RBFOX3: variants seen among roughly 807,000 people sequenced by gnomAD.
The protein encoded by RBFOX3 is RNA binding fox-1 homolog 3, also known as RNA binding protein fox-1 homolog 3.
Under a neutral mutation model 48.7 loss-of-function variants are expected in RBFOX3, and 17 were observed. The observed-to-expected ratio is 0.35, with a 90% confidence interval of 0.24 to 0.52. The LOEUF (loss-of-function observed/expected upper bound fraction) is 0.52, where lower values mean the gene tolerates loss of function less well. Among genes scored for constraint, RBFOX3 ranks in the 20% least tolerant of loss-of-function variants. RBFOX3 has a pLI of 0.94. For missense variants in RBFOX3, 382 were observed against 497.5 expected, an observed-to-expected ratio of 0.77 and a Z score of 2.21; for synonymous variants, 212 against 209.5, an observed-to-expected ratio of 1.01 and a Z score of -0.10.
chr17:79,217,763 T>C (rs1433034455), intron 4 of RBFOX3, among the ~76,000 whole-genome samples: 1 of 151,730 alleles, frequency 6.6e-6, no homozygotes, highest in Non-Finnish European at 1.5e-5. Context: ...GAGCCAGTTA[T>C]GGGGGTGGGG....
intron 1 of RBFOX3, among the ~76,000 whole-genome samples, chr17:79,557,010 G>A (rs905795070): frequency 7.8e-4 from 118 of 152,206 alleles, no homozygotes; most frequent in African/African-American, 2.6e-3. Context: ...TTGGGAGGCC[G>A]AGGATGGTGG....
chr17:79,620,137 ACGCGCACACACATGCACG>A, the RBFOX3 span, among the ~76,000 whole-genome samples: 1 of 143,004 alleles, frequency 7.0e-6, no homozygotes, highest in African/African-American at 2.7e-5. Context: ...ACACATGCAC[ACGCGCACACACATGCACG>A]CGCGGACATG....
At chr17:79,209,847 A>G (rs1159082012) in intron 4 of RBFOX3, among the ~76,000 whole-genome samples, 3 of 151,810 alleles carry the variant, frequency 2.0e-5, no homozygotes, top group African/African-American at 4.8e-5. Flanking sequence ...AACACAAAAA[A>G]TTAGCCGGGC....
intron 2 of RBFOX3, among the ~76,000 whole-genome samples, chr17:79,407,287 C>T (rs544205976): frequency 2.0e-4 from 30 of 152,234 alleles, no homozygotes; most frequent in Non-Finnish European, 3.8e-4. Context: ...GGATTACAGG[C>T]GTGAGCCACC....
At position 79,471,912 on chromosome 17, in the gene RBFOX3, C is replaced by T. The variant is rs574043692; in HGVS notation, c.-175+10542G>A. Among the ~76,000 whole-genome samples, 165 of 152,348 alleles carry T rather than the reference C, an allele frequency of 1.1e-3. No individual in the cohort carries two copies. Among genetic ancestry groups the T allele is most frequent in the African/African-American group, 3.8e-3 (157 of 41,574 alleles). ...TCCACCAAGCACATTATATCAAATA[C>T]GCCTCAGGAAAACCCTTTATGGAAA... On this transcript the variant is annotated intron_variant, in intron 2 of 14. Transcript: ENST00000693108. The surrounding 1 kb of genome is among the most constrained non-coding windows in gnomAD (Gnocchi z 4.0).
intron 1 of RBFOX3, among the ~76,000 whole-genome samples, chr17:79,584,126 C>A (rs1386146189): frequency 1.3e-5 from 2 of 152,174 alleles, no homozygotes; most frequent in African/African-American, 2.4e-5. Flanking sequence ...CAATGGCCAA[C>A]AAGCATATGG....
intron 2 of RBFOX3, among the ~76,000 whole-genome samples, chr17:79,388,259 A>T (rs529744586): frequency 3.1e-4 from 47 of 152,296 alleles, no homozygotes; most frequent in African/African-American, 1.1e-3. Flanking sequence ...ATCACAGAAG[A>T]GTCATGCCCA....
rs576924964 is a variant in RBFOX3 at position 79,092,701 on chromosome 17, G to A, written c.1077+1750C>T. ...ACCGTCTTTTGGAAGAGGGGAAAAAGCAAAAAGAAAAAAAAAAAGGAAAAA... is the reference window on the plus strand; with the variant it reads ...ACCGTCTTTTGGAAGAGGGGAAAAAACAAAAAGAAAAAAAAAAAGGAAAAA... On this transcript the variant is annotated intron_variant, in intron 14 of 14. Transcript: ENST00000693108. 99 of 826,134 alleles carry A rather than the reference G, an allele frequency of 1.2e-4. No homozygotes were observed. In the South Asian group the frequency reaches 4.6e-3, roughly 39 times the overall value. The allele number at this position is 826,134 out of a possible 1,614,324, so 51.2% of individuals were successfully genotyped here.
In RBFOX3 at chr17:79,096,749, C is replaced by T. The variant is rs1318621073; in HGVS notation, c.840G>A (p.Glu280=). The T allele has an allele frequency of 1.3e-6, 2 of 1,502,920 alleles. No individual in the cohort carries two copies. The highest frequency in any genetic ancestry group is 1.8e-6 in the Non-Finnish European group (2 of 1,102,690). 93.1% of individuals were successfully genotyped at this position (1,502,920 alleles called of 1,614,324 possible). A position where few individuals can be genotyped will look rare whatever the true frequency, so the allele number is the denominator to read the frequency against. Residue 280 remains glutamate (E), a synonymous_variant, in exon 12 of 15, where the codon GAG becomes GAA. Transcript: ENST00000693108. ...PCPLPPQQTP[E]PAYPTSPAFP... ...ACGCTGGAGAGGTGGGGTAGGCCGG[C>T]TCCGGTGTCTGCTGAGGAGGGAGGG... is the stretch of plus-strand genomic sequence containing the variant.
chr17:79,513,190 A>AG (rs1432475350), intron 1 of RBFOX3, among the ~76,000 whole-genome samples: 2 of 138,448 alleles, frequency 1.4e-5, no homozygotes, highest in Non-Finnish European at 3.2e-5. Context: ...TGTTACCATC[A>AG]GGTACAGCCC....
chr17:79,631,390 C>G, the RBFOX3 span, among the ~76,000 whole-genome samples: 4 of 152,052 alleles, frequency 2.6e-5, no homozygotes, highest in African/African-American at 4.8e-5. Flanking sequence ...ACACGGTGCA[C>G]GGGCCTATTT....
At chr17:79,583,469 A>C (rs2093143975) in intron 1 of RBFOX3, among the ~76,000 whole-genome samples, 1 of 152,168 alleles carries the variant, frequency 6.6e-6, no homozygotes, top group Non-Finnish European at 1.5e-5. Context: ...TTCAGGGGGC[A>C]TGTGGGGGTA....
In RBFOX3 at chr17:79,097,249, G is replaced by A. The variant is rs1045351058; in HGVS notation, c.755+43C>T. The stretch of plus-strand genomic sequence containing the variant: ...CCTCCCCATTTCCCTCCTCCCCGCC[G>A]TCCTACCCCCTCCTCCACGCCTCCC... On this transcript the variant is annotated intron_variant, in intron 11 of 14. Transcript: ENST00000693108. The A allele has an allele frequency of 4.7e-5, 54 of 1,159,730 alleles. 1 individual carries two copies. The highest frequency in any genetic ancestry group is 3.3e-4 in the East Asian group (6 of 18,366). 71.8% of individuals were successfully genotyped at this position (1,159,730 alleles called of 1,614,324 possible). A position where few individuals can be genotyped will look rare whatever the true frequency, so the allele number is the denominator to read the frequency against.
At chr17:79,656,449 A>G in the RBFOX3 span, among the ~76,000 whole-genome samples, 841 of 152,108 alleles carry the variant, frequency 5.5e-3, 16 homozygotes, top group Admixed American at 0.018. Flanking sequence ...CCCCATCTCT[A>G]CTAAAAATAC....
intron 4 of RBFOX3, among the ~76,000 whole-genome samples, chr17:79,217,849 A>G (rs960329509): frequency 4.6e-5 from 7 of 152,160 alleles, no homozygotes; most frequent in African/African-American, 1.4e-4. Flanking sequence ...ACCTTGGAGC[A>G]GCTCAGCCTG....
rs548438570 is a variant in RBFOX3, at chr17:79,421,168, G to T, written c.-175+61286C>A. ...TTCACAGCAGAGGGCAGGATGCTCC[G>T]TGCCCTAACCTACAGGCCTCCATGC... On this transcript the variant is annotated intron_variant, in intron 2 of 14. Coordinates refer to ENST00000693108, the MANE Select transcript of RBFOX3 (RefSeq NM_001350451.2). This position sits in a 1 kb window ranked among gnomAD's most constrained non-coding sequence, Gnocchi z 4.5. 6.6e-6 allele frequency among the ~76,000 whole-genome samples: 1 copy of T among 152,268 alleles called. No individual in the cohort carries two copies. The highest frequency in any genetic ancestry group is 2.4e-5 in the African/African-American group (1 of 41,554).
intron 4 of RBFOX3, chr17:79,233,787 A>G (rs1450088960): frequency 1.3e-5 from 2 of 152,228 alleles, no homozygotes; most frequent in East Asian, 1.9e-4. Context: ...TTGTATTTTT[A>G]GTAGAGACGG....
At chr17:79,447,558 G>C (rs1460438469) in intron 2 of RBFOX3, among the ~76,000 whole-genome samples, 2 of 152,264 alleles carry the variant, frequency 1.3e-5, no homozygotes, top group African/African-American at 2.4e-5. Flanking sequence ...GAGAAGTCAA[G>C]AAGTTGCCCA....
At chr17:79,507,923 C>T (rs1555779409) in intron 1 of RBFOX3, among the ~76,000 whole-genome samples, 1 of 152,238 alleles carries the variant, frequency 6.6e-6, no homozygotes, top group African/African-American at 2.4e-5. Context: ...GGGCCACACA[C>T]TCCAGCATCT....
Sources: allele counts gnomAD v4.1 joint callset (sites outside exome capture counted in the v4.1 genomes callset), GRCh38; gene constraint gnomAD v4.1.1; non-coding constraint Gnocchi (gnomAD v3.1); transcripts MANE v1.5; gene names NCBI Gene and HGNC (gene_info 2026-07-23, HGNC 2026-07-21).